LDB2: variants seen among roughly 807,000 people sequenced by gnomAD.
The protein encoded by LDB2 is LIM domain binding 2, also known as LIM domain-binding protein 2.
In LDB2, 12 loss-of-function variants were observed where a neutral mutation model predicts 44.3. That is an observed-to-expected ratio of 0.27 (90% CI 0.17 to 0.44). The LOEUF is 0.44. LDB2 is among the 20% of genes least tolerant of loss of function. The probability of loss-of-function intolerance (pLI) is 1.00; values close to 1 mark genes in which losing one functional copy is unlikely to be tolerated. For synonymous variants in LDB2, 164 were observed against 174.8 expected, an observed-to-expected ratio of 0.94 and a Z score of 0.49; for missense variants, 344 against 473.5, an observed-to-expected ratio of 0.73 and a Z score of 2.54.
chr4:16,759,235 G>A lies in LDB2; in HGVS notation c.158C>T (p.Ala53Val), dbSNP rs1279866684. The A allele has an allele frequency of 6.2e-7, 1 of 1,613,710 alleles. No individual in the cohort carries two copies. Among genetic ancestry groups the A allele is most frequent in the East Asian group, 2.2e-5 (1 of 44,876 alleles). Residue 53 changes from alanine to valine, a missense_variant, in exon 2 of 8, where the codon GCC becomes GTC. Transcript: ENST00000304523. ...ATCTTCAAAAAATTCAGTGGCAAAG[G>A]CGTCCCACCAGAGGTTGTCACTATC... is the stretch of plus-strand genomic sequence containing the variant. The part of the protein sequence containing the change: ...TEDSDNLWWD[A>V]FATEFFEDDA...
At chr4:16,688,171 ACT>A (rs1228349697) in intron 2 of LDB2, among the ~76,000 whole-genome samples, 2 of 152,238 alleles carry the variant, frequency 1.3e-5, no homozygotes, top group Non-Finnish European at 2.9e-5. Flanking sequence ...TTTTGCAACT[ACT>A]CTGCATACAT....
At chr4:16,849,983 G>A (rs1045412167) in intron 1 of LDB2, among the ~76,000 whole-genome samples, 9 of 152,150 alleles carry the variant, frequency 5.9e-5, no homozygotes, top group African/African-American at 1.7e-4. Flanking sequence ...AAGGTGAAGC[G>A]CTTTCATCTT....
intron 1 of LDB2, among the ~76,000 whole-genome samples, chr4:16,793,667 A>C (rs76243893): frequency 0.015 from 2,240 of 152,306 alleles, 69 homozygotes; most frequent in African/African-American, 0.051. Flanking sequence ...ATTATTACTA[A>C]GGGCTTTTTA....
chr4:16,639,090 T>C (rs372947800), intron 2 of LDB2, among the ~76,000 whole-genome samples: 2 of 152,330 alleles, frequency 1.3e-5, no homozygotes, highest in South Asian at 4.1e-4. Flanking sequence ...TTGAGAGCTT[T>C]TATAAAGTTT....
chr4:16,515,331 T>TAA (rs1350840624), intron 5 of LDB2, among the ~76,000 whole-genome samples: 2 of 152,234 alleles, frequency 1.3e-5, no homozygotes, highest in Non-Finnish European at 2.9e-5. Context: ...CTATGTTCAC[T>TAA]ATTTGAGTGA....
At chr4:16,668,426 A>C (rs1288696664) in intron 2 of LDB2, among the ~76,000 whole-genome samples, 2 of 152,140 alleles carry the variant, frequency 1.3e-5, no homozygotes, top group Admixed American at 1.3e-4. Flanking sequence ...CAGTCTCTTC[A>C]AATCCTGCTG....
At chr4:16,726,039 C>T (rs1014087727) in intron 2 of LDB2, among the ~76,000 whole-genome samples, 20 of 150,508 alleles carry the variant, frequency 1.3e-4, no homozygotes, top group East Asian at 5.8e-4. Flanking sequence ...AATTGTTTAA[C>T]GTTTTCTTTA....
chr4:16,632,439 A>G (rs986484476), intron 2 of LDB2, among the ~76,000 whole-genome samples: 2 of 152,210 alleles, frequency 1.3e-5, no homozygotes, highest in Non-Finnish European at 2.9e-5. Context: ...TCTCAAAATA[A>G]TAAGAGCTAT....
chr4:16,564,611 C>T (rs1484005438), intron 5 of LDB2, among the ~76,000 whole-genome samples: 1 of 152,206 alleles, frequency 6.6e-6, no homozygotes, highest in East Asian at 1.9e-4. Flanking sequence ...CAAATGCATT[C>T]ACTTTTCTAA....
At chr4:16,818,179 T>A (rs944608864) in intron 1 of LDB2, among the ~76,000 whole-genome samples, 1 of 152,170 alleles carries the variant, frequency 6.6e-6, no homozygotes, top group Non-Finnish European at 1.5e-5. Flanking sequence ...TCTTTCTCTG[T>A]GTAGTACCAC....
chr4:16,878,419 C>T (rs769491970), intron 1 of LDB2, among the ~76,000 whole-genome samples: 14 of 152,196 alleles, frequency 9.2e-5, no homozygotes, highest in African/African-American at 2.9e-4. Context: ...GCTAATCCAT[C>T]GCCCATACAA....
At chr4:16,869,912 G>C (rs1197026402) in intron 1 of LDB2, among the ~76,000 whole-genome samples, 1 of 152,172 alleles carries the variant, frequency 6.6e-6, no homozygotes, top group Non-Finnish European at 1.5e-5. Flanking sequence ...CAACACTCAG[G>C]ATGTTCCTTG....
chr4:16,724,104 G>A (rs1204873609), intron 2 of LDB2, among the ~76,000 whole-genome samples: 2 of 152,068 alleles, frequency 1.3e-5, no homozygotes, highest in Non-Finnish European at 2.9e-5. Context: ...AAAACTTATT[G>A]TCATACAAAT....
At chr4:16,719,613 G>A (rs1757819164) in intron 2 of LDB2, among the ~76,000 whole-genome samples, 1 of 152,016 alleles carries the variant, frequency 6.6e-6, no homozygotes, top group African/African-American at 2.4e-5. Flanking sequence ...GAAGTAATAT[G>A]GTTGAAATAT....
intron 5 of LDB2, among the ~76,000 whole-genome samples, chr4:16,513,311 G>C (rs1438254985): frequency 6.6e-6 from 1 of 152,062 alleles, no homozygotes; most frequent in African/African-American, 2.4e-5. Context: ...CTTCCTCCCA[G>C]ATGTGCACCT....
rs139361336 is a variant in LDB2, at chr4:16,854,841, T to C, written c.132+43513A>G. 1.2e-4 allele frequency among the ~76,000 whole-genome samples: 19 copies of C among 152,142 alleles called. No homozygotes were observed. In the East Asian group the frequency reaches 3.7e-3, roughly 29 times the overall value. ...CTATGTTAGCACATTTCATACACTG[T>C]GGCATTTTACTACGTATGGATGCAC... On this transcript the variant is annotated intron_variant, in intron 1 of 7. Coordinates refer to ENST00000304523, the MANE Select transcript of LDB2 (RefSeq NM_001290.5).
intron 1 of LDB2, among the ~76,000 whole-genome samples, chr4:16,808,816 C>A (rs541401572): frequency 6.6e-6 from 1 of 152,118 alleles, no homozygotes; most frequent in African/African-American, 2.4e-5. Context: ...CTGTATTACA[C>A]GCATTAGTAC....
chr4:16,821,404 G>A (rs1408041433), intron 1 of LDB2, among the ~76,000 whole-genome samples: 3 of 144,172 alleles, frequency 2.1e-5, no homozygotes, highest in African/African-American at 7.7e-5. Context: ...TTTTTTTGGA[G>A]ACGGAGTCTC....
intron 5 of LDB2, among the ~76,000 whole-genome samples, chr4:16,575,348 A>G (rs910997425): frequency 6.6e-6 from 1 of 152,224 alleles, no homozygotes; most frequent in African/African-American, 2.4e-5. Context: ...CATGTAAAAC[A>G]TAATGCTTAA....
Sources: gnomAD v4.1 joint callset for allele counts (sites outside exome capture counted in the v4.1 genomes callset) on GRCh38, gnomAD v4.1.1 for gene constraint, MANE v1.5 for transcripts, NCBI Gene and HGNC (gene_info 2026-07-23, HGNC 2026-07-21) for gene names.